ZSCAN10: variants seen among roughly 807,000 people sequenced by gnomAD.
ZSCAN10 encodes the protein zinc finger and SCAN domain containing 10.
Under a neutral mutation model 63.7 loss-of-function variants are expected in ZSCAN10, and 52 were observed. The ratio of observed to expected loss-of-function variants is 0.82; its 90% confidence interval spans 0.65 to 1.03. The LOEUF is 1.03. ZSCAN10 is among the 50% of genes least tolerant of loss of function. The pLI, the probability that ZSCAN10 is intolerant of heterozygous loss-of-function variation, is 0.00. For synonymous variants in ZSCAN10, 544 were observed against 479.6 expected (o/e 1.13, Z -1.76); for missense variants, 1,223 against 1,103.8 (o/e 1.11, Z -1.53).
At position 3,092,779 on chromosome 16, in the gene ZSCAN10, C is replaced by T. The variant is rs1957102978; in HGVS notation, c.159G>A (p.Gln53=). Residue 53 remains glutamine (Q), a synonymous_variant, in exon 2 of 6, where the codon CAG becomes CAA. Coordinates refer to ENST00000576985, the MANE Select transcript of ZSCAN10 (RefSeq NM_032805.3). ...GGGACGCCCGTGGCCCCATGTCCTCCTGATACTGGAAGCATCTGAACAGCT... is the reference window on the plus strand; with the variant it reads ...GGGACGCCCGTGGCCCCATGTCCTCTTGATACTGGAAGCATCTGAACAGCT... ...AHQLFRCFQY[Q]EDMGPRASLS... is the part of the protein sequence containing the mutation. 1.9e-6 allele frequency: 3 copies of T among 1,596,666 alleles called. No homozygotes were observed. Among genetic ancestry groups the T allele is most frequent in the Non-Finnish European group, 1.7e-6 (2 of 1,172,148 alleles).
Position 3,089,843 on chromosome 16 carries a change from A to G in ZSCAN10, c.1591T>C (p.Phe531Leu). 1 of 1,551,668 alleles carries G rather than the reference A, an allele frequency of 6.4e-7. No homozygotes were observed. Residue 531 changes from phenylalanine (F) to leucine (L), a missense_variant, in exon 6 of 6, where the codon TTC becomes CTC. Phe to Leu is a conservative substitution (Grantham distance 22, BLOSUM62 0). Coordinates refer to ENST00000576985, the MANE Select transcript of ZSCAN10 (RefSeq NM_032805.3). ...PFVCSDCGKA[F>L]RRSEHLVAHR... is the part of the protein sequence containing the mutation. ...GCCACCAGGTGCTCGCTGCGCCGGA[A>G]GGCCTTGCCGCAGTCGCTGCACACG...
At position 3,089,265 on chromosome 16, in the gene ZSCAN10, C is replaced by T. The variant is rs1023274626; in HGVS notation, c.2169G>A (p.Pro723=). Residue 723 remains proline (P), a synonymous_variant, in exon 6 of 6, where the codon CCG becomes CCA. Coordinates refer to ENST00000576985, the MANE Select transcript of ZSCAN10 (RefSeq NM_032805.3). ...AEPGQEQAEP[P]QECVECGKSF... is the part of the protein sequence containing the mutation. ...TCTTCCCGCACTCCACGCACTCCTG[C>T]GGGGGCTCGGCCTGCTCCTGCCCGG... The T allele has an allele frequency of 4.5e-6, 7 of 1,569,452 alleles. No homozygotes were observed. The highest frequency in any genetic ancestry group is 6.0e-6 in the Non-Finnish European group (7 of 1,165,720).
At chr16:3,094,438 C>T (rs977724431) in intron 1 of ZSCAN10, among the ~76,000 whole-genome samples, 1 of 152,202 alleles carries the variant, frequency 6.6e-6, no homozygotes, top group African/African-American at 2.4e-5. Context: ...CTCCGCCTCG[C>T]GGGTTCCGGT....
intron 2 of ZSCAN10, 88 bp from the exon 3 acceptor site, chr16:3,092,404 G>C: frequency 6.6e-7 from 1 of 1,521,058 alleles, no homozygotes; most frequent in Non-Finnish European, 8.8e-7. Context: ...AACGAGGTTA[G>C]AGTCAGCCAG....
chr16:3,092,573 A>T lies in ZSCAN10; in HGVS notation c.365T>A (p.Ile122Asn). Reference sequence around the variant, plus strand: ...CCCCGCGTGGCTGGGCTCCCGGTGGATGCCCTCGAGCAGCAGCACCACCTC... The same window carrying T: ...CCCCGCGTGGCTGGGCTCCCGGTGGTTGCCCTCGAGCAGCAGCACCACCTC... ...GEEVVLLLEG[I>N]HREPSHAGPL... The change falls in exon 2 of 6, where the codon ATC becomes AAC. Residue 122 changes from isoleucine (I) to asparagine (N), a missense_variant. Physicochemically the swap from Ile to Asn is moderately radical, Grantham distance 149. Transcript: ENST00000576985. 1 of 1,565,744 alleles carries T rather than the reference A, an allele frequency of 6.4e-7. No individual in the cohort carries two copies. The highest frequency in any genetic ancestry group is 8.6e-7 in the Non-Finnish European group (1 of 1,157,532).
Position 3,089,746 on chromosome 16 carries a change from G to A in ZSCAN10, c.1688C>T (p.Ser563Leu), listed in dbSNP as rs867589050. 1.9e-6 allele frequency: 3 copies of A among 1,601,278 alleles called. No homozygotes were observed. Among genetic ancestry groups the A allele is most frequent in the Non-Finnish European group, 2.5e-6 (3 of 1,178,992 alleles). ...QACGRSFTQSSQLVSHQRVHT... is the reference protein window; with the variant it reads ...QACGRSFTQSLQLVSHQRVHT... ...CACCCGTTGGTGGCTGACCAGCTGC[G>A]AGCTCTGCGTGAAGCTGCGGCCGCA... is the stretch of plus-strand genomic sequence containing the variant. The change falls in exon 6 of 6, where the codon TCG (serine) becomes TTG (leucine). Residue 563 changes from serine (S) to leucine (L), a missense_variant. By Grantham distance (145) the Ser-to-Leu change is moderately radical (BLOSUM62 -2). Coordinates refer to ENST00000576985, the MANE Select transcript of ZSCAN10 (RefSeq NM_032805.3).
In ZSCAN10 at chr16:3,090,272, T is replaced by C. The variant is rs1466038166; in HGVS notation, c.1162A>G (p.Ser388Gly). Reference sequence around the variant, plus strand: ...CGCATGTGCAGCTTGAGAATGGAGCTGCGGCCGAAGCTCTTCCCGCAGCAA... The same window carrying C: ...CGCATGTGCAGCTTGAGAATGGAGCCGCGGCCGAAGCTCTTCCCGCAGCAA... ...CLCCGKSFGR[S>G]SILKLHMRTH... Residue 388 changes from serine (S) to glycine (G), a missense_variant, in exon 6 of 6, where the codon AGC (serine) becomes GGC (glycine). Ser to Gly is a moderately conservative substitution (Grantham distance 56). Coordinates refer to ENST00000576985, the MANE Select transcript of ZSCAN10 (RefSeq NM_032805.3). 6.2e-7 allele frequency: 1 copy of C among 1,608,722 alleles called. No individual in the cohort carries two copies. The highest frequency in any genetic ancestry group is 8.5e-7 in the Non-Finnish European group (1 of 1,179,304).
At chr16:3,091,650 G>C in intron 4 of ZSCAN10, 53 bp from the exon 5 acceptor site, 3 of 1,611,384 alleles carry the variant, frequency 1.9e-6, no homozygotes, top group Admixed American at 1.7e-5. Context: ...TCAGGAACCT[G>C]TGGGGACTGA....
chr16:3,096,581 T>C (rs1957155233), intron 1 of ZSCAN10: 1 of 152,234 alleles, frequency 6.6e-6, no homozygotes, highest in Non-Finnish European at 1.5e-5. Flanking sequence ...CACAGTTCTG[T>C]TGGGCCCATC....
chr16:3,097,796 T>G (rs903776790), intron 1 of ZSCAN10, among the ~76,000 whole-genome samples: 1 of 151,964 alleles, frequency 6.6e-6, no homozygotes, highest in Non-Finnish European at 1.5e-5. Flanking sequence ...TAGCAGAAAT[T>G]AGGGAATGGC....
At chr16:3,091,366 G>A (rs1373817079) in intron 5 of ZSCAN10, among the ~76,000 whole-genome samples, 174 bp downstream of exon 5, 1 of 152,156 alleles carries the variant, frequency 6.6e-6, no homozygotes, top group Non-Finnish European at 1.5e-5. Context: ...GGTGTTGGCC[G>A]GTCACGGTGG....
At chr16:3,093,092 G>A (rs1379259185) in intron 1 of ZSCAN10, 88 bp from the exon 2 acceptor site, 6 of 1,020,126 alleles carry the variant, frequency 5.9e-6, no homozygotes, top group South Asian at 3.6e-5. Context: ...CACCCAATAC[G>A]CAGACCCAGA....
chr16:3,090,571 A>G lies in ZSCAN10; in HGVS notation c.863T>C (p.Ile288Thr). 1.3e-6 allele frequency: 2 copies of G among 1,594,164 alleles called. No individual in the cohort carries two copies. Among genetic ancestry groups the G allele is most frequent in the Non-Finnish European group, 1.7e-6 (2 of 1,166,246 alleles). Residue 288 changes from isoleucine (I) to threonine (T), a missense_variant, in exon 6 of 6, where the codon ATC becomes ACC. Ile to Thr is a moderately conservative substitution (Grantham distance 89). Transcript: ENST00000576985. ...EPKGAAWPTP[I>T]LAESQADSPG... is the part of the protein sequence containing the mutation. ...ACTATCTGCCTGGGACTCTGCTAAG[A>G]TGGGAGTGGGCCAGGCAGCCCCTTT...
rs185364182 is a variant in ZSCAN10 at position 3,089,189 on chromosome 16, C to G, written c.2245G>C (p.Ala749Pro). 6.3e-6 allele frequency: 10 copies of G among 1,577,142 alleles called. No homozygotes were observed. The highest frequency in any genetic ancestry group is 8.6e-6 in the Non-Finnish European group (10 of 1,169,380). The change falls in exon 6 of 6, where the codon GCC becomes CCC. Residue 749 changes from alanine to proline, a missense_variant. By Grantham distance (27) the Ala-to-Pro change is conservative (BLOSUM62 -1). Transcript: ENST00000576985. ...CACTGCGTGCAGGAGTAGGGCCTGG[C>G]GCCCGTGTGCACCAGCAGGTGTCGC... ...LLRHLLVHTG[A>P]RPYSCTQCGR...
chr16:3,092,616 G>A lies in ZSCAN10; in HGVS notation c.322C>T (p.Pro108Ser), dbSNP rs752377209. ...ACCACCTCCTCCCCATCCCTGAGCG[G>A]CTGCCCCTGCAGGCGGCCCAGGAGG... ...PHLLGRLQGQ[P>S]LRDGEEVVLL... Residue 108 changes from proline (P) to serine (S), a missense_variant, in exon 2 of 6, where the codon CCG becomes TCG. Transcript: ENST00000576985. 87 of 1,603,988 alleles carry A rather than the reference G, an allele frequency of 5.4e-5. No homozygotes were observed. The highest frequency in any genetic ancestry group is 1.6e-4 in the Middle Eastern group (1 of 6,064).
intron 4 of ZSCAN10, 82 bp from the exon 5 acceptor site, chr16:3,091,679 A>G: frequency 6.2e-7 from 1 of 1,610,162 alleles, no homozygotes; most frequent in Non-Finnish European, 8.5e-7. Flanking sequence ...CTAGGACTGA[A>G]TCAGGGAAGG....
chr16:3,096,976 G>T (rs1033376044), intron 1 of ZSCAN10, among the ~76,000 whole-genome samples: 1 of 151,430 alleles, frequency 6.6e-6, no homozygotes, highest in Non-Finnish European at 1.5e-5. Context: ...ATGCATCTGT[G>T]GTCCCAGCTG....
At chr16:3,092,477 C>A in intron 2 of ZSCAN10, 65 bp downstream of exon 2, 1 of 1,451,284 alleles carries the variant, frequency 6.9e-7, no homozygotes, top group Non-Finnish European at 9.1e-7. Context: ...TCCAGAGATT[C>A]CTCACTGGGG....
chr16:3,091,631 G>A, intron 4 of ZSCAN10, 34 bp from the exon 5 acceptor site: 1 of 1,613,682 alleles, frequency 6.2e-7, no homozygotes, highest in Non-Finnish European at 8.5e-7. Flanking sequence ...GGTGAGTGAG[G>A]AACATGCCTC....
Sources: gnomAD v4.1 joint callset for allele counts (sites outside exome capture counted in the v4.1 genomes callset) on GRCh38, gnomAD v4.1.1 for gene constraint, MANE v1.5 for transcripts, NCBI Gene and HGNC (gene_info 2026-07-23, HGNC 2026-07-21) for gene names.